ABTB3: variants seen among roughly 807,000 people sequenced by gnomAD.
ABTB3 encodes ankyrin repeat- and BTB/POZ domain-containing protein 3.
At chr12:107,415,569 A>G in the ABTB3 span, among the ~76,000 whole-genome samples, 4 of 151,964 alleles carry the variant, frequency 2.6e-5, no homozygotes, top group South Asian at 6.3e-4. Flanking sequence ...TTAGCCAGGC[A>G]TGGTGGCAGG....
chr12:107,433,309 A>AT, the ABTB3 span, among the ~76,000 whole-genome samples: 1 of 150,536 alleles, frequency 6.6e-6, no homozygotes, highest in Non-Finnish European at 1.5e-5. Context: ...AAAAAAAAAA[A>AT]AAAAAAAAAA....
chr12:107,597,668 T>C, the ABTB3 span, among the ~76,000 whole-genome samples: 18 of 152,190 alleles, frequency 1.2e-4, no homozygotes, highest in African/African-American at 3.6e-4. Context: ...ATGTATTAGA[T>C]AGATGGCCAG....
At chr12:107,337,627 G>T in the ABTB3 span, among the ~76,000 whole-genome samples, 1 of 152,216 alleles carries the variant, frequency 6.6e-6, no homozygotes, top group Non-Finnish European at 1.5e-5. Context: ...ATGCAGTGGG[G>T]ATGTAGGGGC....
chr12:107,466,542 G>A, the ABTB3 span, among the ~76,000 whole-genome samples: 2 of 143,912 alleles, frequency 1.4e-5, no homozygotes, highest in African/African-American at 2.6e-5. Flanking sequence ...GTCAAAAGGA[G>A]CCTGGTTATT....
the ABTB3 span, among the ~76,000 whole-genome samples, chr12:107,375,566 G>C: frequency 6.6e-6 from 1 of 152,162 alleles, no homozygotes; most frequent in Non-Finnish European, 1.5e-5. Flanking sequence ...AGAAGACCGG[G>C]GGCCCGGTGC....
chr12:107,429,494 G>A, the ABTB3 span, among the ~76,000 whole-genome samples: 1 of 152,104 alleles, frequency 6.6e-6, no homozygotes, highest in African/African-American at 2.4e-5. Context: ...TTGCTCACCT[G>A]AGCCAAATGG....
the ABTB3 span, among the ~76,000 whole-genome samples, chr12:107,438,267 T>G: frequency 7.9e-4 from 121 of 152,318 alleles, no homozygotes; most frequent in Non-Finnish European, 1.6e-3. Context: ...GCACCCTTTT[T>G]TCATGCATTG....
At chr12:107,602,352 G>A in the ABTB3 span, among the ~76,000 whole-genome samples, 1 of 152,186 alleles carries the variant, frequency 6.6e-6, no homozygotes, top group African/African-American at 2.4e-5. Flanking sequence ...CACTTGGACT[G>A]TAGTCTCTGT....
At chr12:107,407,371 C>G in the ABTB3 span, among the ~76,000 whole-genome samples, 1 of 152,198 alleles carries the variant, frequency 6.6e-6, no homozygotes, top group East Asian at 1.9e-4. Context: ...ATCTGTGGGT[C>G]AGGTGAGGCA....
the ABTB3 span, among the ~76,000 whole-genome samples, chr12:107,472,926 G>A: frequency 3.0e-3 from 456 of 152,236 alleles, 3 homozygotes; most frequent in African/African-American, 0.01. Context: ...ACCTCCCTCA[G>A]CACCATCATC....
chr12:107,481,785 G>T, the ABTB3 span, among the ~76,000 whole-genome samples: 1 of 152,046 alleles, frequency 6.6e-6, no homozygotes, highest in Non-Finnish European at 1.5e-5. Context: ...TCTTCACTCT[G>T]TTCTCTCCCT....
chr12:107,368,792 T>C, the ABTB3 span, among the ~76,000 whole-genome samples: 1 of 152,198 alleles, frequency 6.6e-6, no homozygotes, highest in African/African-American at 2.4e-5. Context: ...ATCTGTTGAG[T>C]ATAATGTGGA....
the ABTB3 span, among the ~76,000 whole-genome samples, chr12:107,395,707 C>T: frequency 6.6e-6 from 1 of 152,240 alleles, no homozygotes; most frequent in Non-Finnish European, 1.5e-5. Context: ...GTGCCATCCA[C>T]CCCCAGTGGG....
At chr12:107,615,836 C>G in the ABTB3 span, among the ~76,000 whole-genome samples, 3 of 152,302 alleles carry the variant, frequency 2.0e-5, no homozygotes, top group East Asian at 5.8e-4. Context: ...TTGATCTTTA[C>G]TTCATCAGAA....
At chr12:107,440,318 C>T in the ABTB3 span, among the ~76,000 whole-genome samples, 1 of 152,230 alleles carries the variant, frequency 6.6e-6, no homozygotes, top group Non-Finnish European at 1.5e-5. Context: ...TTTCAGTTTC[C>T]CAGACACCCC....
the ABTB3 span, among the ~76,000 whole-genome samples, chr12:107,394,279 G>A: frequency 6.6e-6 from 1 of 152,224 alleles, no homozygotes; most frequent in East Asian, 1.9e-4. Context: ...GGGTCACAGA[G>A]TAATAGATGA....
chr12:107,360,860 C>T, the ABTB3 span, among the ~76,000 whole-genome samples: 16 of 151,908 alleles, frequency 1.1e-4, no homozygotes, highest in Non-Finnish European at 2.1e-4. Flanking sequence ...TTCAAGCAAT[C>T]CTCCTTCCTC....
the ABTB3 span, among the ~76,000 whole-genome samples, chr12:107,628,469 G>T: frequency 6.6e-6 from 1 of 152,126 alleles, no homozygotes; most frequent in African/African-American, 2.4e-5. Context: ...CATGGATTAA[G>T]ATAGAGAGCT....
the ABTB3 span, among the ~76,000 whole-genome samples, chr12:107,428,260 A>G: frequency 4.6e-5 from 7 of 152,198 alleles, no homozygotes; most frequent in African/African-American, 1.4e-4. Context: ...AGATTTGTAC[A>G]TGGTCAGCAT....
Sources: gnomAD v4.1 joint callset for allele counts (sites outside exome capture counted in the v4.1 genomes callset) on GRCh38, gnomAD v4.1.1 for gene constraint, MANE v1.5 for transcripts, NCBI Gene and HGNC (gene_info 2026-07-23, HGNC 2026-07-21) for gene names.